FAT4: variants seen among roughly 807,000 people sequenced by gnomAD.
FAT4 encodes FAT atypical cadherin 4.
A neutral mutation model predicts 303.9 loss-of-function variants in FAT4; 84 were observed. That is an observed-to-expected ratio of 0.28 (90% CI 0.23 to 0.33). The LOEUF is 0.33. Among genes scored for constraint, FAT4 ranks in the 10% least tolerant of loss-of-function variants. The pLI, the probability that FAT4 is intolerant of heterozygous loss-of-function variation, is 1.00. For synonymous variants in FAT4, 2,307 were observed against 2,298.8 expected, an observed-to-expected ratio of 1.00 and a Z score of -0.10; for missense variants, 6,005 against 6,146.8, an observed-to-expected ratio of 0.98 and a Z score of 0.77.
At chr4:125,374,499 A>G (rs756741627) in intron 2 of FAT4, among the ~76,000 whole-genome samples, 2 of 152,220 alleles carry the variant, frequency 1.3e-5, no homozygotes, top group Non-Finnish European at 1.5e-5. Context: ...TTATTTGAAT[A>G]GGATTCACGT....
rs1051060232 is a variant in FAT4 at position 125,353,529 on chromosome 4, A to G, written c.5175+31943A>G. Among the ~76,000 whole-genome samples, 3 of 151,580 alleles carry G rather than the reference A, an allele frequency of 2.0e-5. No individual in the cohort carries two copies. In the Admixed American group the frequency reaches 2.0e-4, roughly 10 times the overall value. ...GTTTAGTATTCTTTGTCAATCTTTT[A>G]GTTGGCTTAGAGCTTGATATTATCT... On this transcript the variant is annotated intron_variant, in intron 2 of 17. Coordinates refer to ENST00000394329, the MANE Select transcript of FAT4 (RefSeq NM_001291303.3).
chr4:125,374,686 C>T (rs1733247538), intron 2 of FAT4, among the ~76,000 whole-genome samples: 1 of 152,160 alleles, frequency 6.6e-6, no homozygotes, highest in South Asian at 2.1e-4. Context: ...TATTCAAGAG[C>T]ATCTAACCCA....
chr4:125,360,946 T>A (rs1305500126), intron 2 of FAT4, among the ~76,000 whole-genome samples: 5 of 147,274 alleles, frequency 3.4e-5, no homozygotes, highest in Non-Finnish European at 7.5e-5. Flanking sequence ...TTATTATTTT[T>A]ATTTTATTTT....
In FAT4 at chr4:125,491,693, A is replaced by G. The variant is rs376402724; in HGVS notation, c.14877A>G (p.Ala4959=). 2.8e-4 allele frequency: 447 copies of G among 1,614,072 alleles called. No homozygotes were observed. The highest frequency in any genetic ancestry group is 3.7e-4 in the Non-Finnish European group (432 of 1,180,020). Residue 4959 remains alanine, a synonymous_variant, in exon 18 of 18, where the codon GCA becomes GCG. Coordinates refer to ENST00000394329, the MANE Select transcript of FAT4 (RefSeq NM_001291303.3). ...FKDLASLPEK[A]AANEEGKAGT... The stretch of plus-strand genomic sequence containing the variant: ...ATTTGGCATCTCTTCCAGAAAAAGC[A>G]GCAGCAAATGAAGAAGGCAAAGCTG...
intron 7 of FAT4, among the ~76,000 whole-genome samples, chr4:125,422,479 A>G (rs1724937366): frequency 6.6e-6 from 1 of 152,096 alleles, no homozygotes; most frequent in Non-Finnish European, 1.5e-5. Flanking sequence ...GTGAGTTCTT[A>G]TGAGATCTAA....
chr4:125,454,403 T>A (rs1726206519), intron 10 of FAT4, among the ~76,000 whole-genome samples: 1 of 152,218 alleles, frequency 6.6e-6, no homozygotes, highest in Non-Finnish European at 1.5e-5. Flanking sequence ...AGTGATAGAT[T>A]TCACAGAATC....
At position 125,362,150 on chromosome 4, in the gene FAT4, T is replaced by G. The variant is rs142307770; in HGVS notation, c.5176-36634T>G. Reference sequence around the variant, plus strand: ...ATGTGCTGATAATACAATGTTTCCTTGCATTGTTATTTTGTTATATTTACC... The same window carrying G: ...ATGTGCTGATAATACAATGTTTCCTGGCATTGTTATTTTGTTATATTTACC... On this transcript the variant is annotated intron_variant, in intron 2 of 17. Coordinates refer to ENST00000394329, the MANE Select transcript of FAT4 (RefSeq NM_001291303.3). Among the ~76,000 whole-genome samples the G allele has an allele frequency of 4.9e-3, 751 of 152,256 alleles. 29 individuals are homozygous for G. In the South Asian group the frequency reaches 0.07, roughly 14 times the overall value.
intron 2 of FAT4, among the ~76,000 whole-genome samples, chr4:125,324,281 TTAA>T (rs1399493289): frequency 6.6e-6 from 1 of 152,164 alleles, no homozygotes; most frequent in African/African-American, 2.4e-5. Context: ...CATTTATCCT[TTAA>T]TGTGTATTAC....
chr4:125,399,371 A>G (rs1387158813), intron 3 of FAT4, among the ~76,000 whole-genome samples: 1 of 151,980 alleles, frequency 6.6e-6, no homozygotes, highest in African/African-American at 2.4e-5. Context: ...TGTAATTATT[A>G]TGTTTCAAAT....
chr4:125,390,669 C>T (rs1236070663), intron 2 of FAT4, among the ~76,000 whole-genome samples: 1 of 152,112 alleles, frequency 6.6e-6, no homozygotes, highest in South Asian at 2.1e-4. Context: ...TCATAATGAC[C>T]TATTAAGGGC....
intron 2 of FAT4, among the ~76,000 whole-genome samples, chr4:125,382,094 C>T (rs1733563512): frequency 6.6e-6 from 1 of 152,136 alleles, no homozygotes; most frequent in African/African-American, 2.4e-5. Context: ...AAGTTTTGAA[C>T]CCTTCAAAGT....
intron 2 of FAT4, among the ~76,000 whole-genome samples, chr4:125,373,891 T>G (rs1330325782): frequency 6.6e-6 from 1 of 151,982 alleles, no homozygotes; most frequent in African/African-American, 2.4e-5. Context: ...TTCAAACATC[T>G]AGATGAAGAA....
intron 5 of FAT4, among the ~76,000 whole-genome samples, chr4:125,412,806 T>C (rs1734896888): frequency 6.6e-6 from 1 of 151,928 alleles, no homozygotes; most frequent in South Asian, 2.1e-4. Flanking sequence ...AAAGATTTTA[T>C]ATGCTTCTCT....
chr4:125,363,528 G>C (rs1732751396), intron 2 of FAT4, among the ~76,000 whole-genome samples: 2 of 150,830 alleles, frequency 1.3e-5, no homozygotes, highest in Non-Finnish European at 3.0e-5. Context: ...AAAGAATCTT[G>C]CTGTATTGCC....
chr4:125,485,369 A>G (rs1210780666), intron 16 of FAT4, among the ~76,000 whole-genome samples: 2 of 152,084 alleles, frequency 1.3e-5, no homozygotes, highest in Non-Finnish European at 2.9e-5. Flanking sequence ...TTCTTTCCTT[A>G]TACCCTTATT....
At chr4:125,489,854 T>C in intron 17 of FAT4, 47 bp from the exon 18 acceptor site, 1 of 933,032 alleles carries the variant, frequency 1.1e-6, no homozygotes, top group Non-Finnish European at 1.4e-6. Flanking sequence ...GCTCTTTTTT[T>C]TTTTTTTTTT....
intron 7 of FAT4, among the ~76,000 whole-genome samples, chr4:125,426,774 T>A (rs2126037583): frequency 6.6e-6 from 1 of 152,102 alleles, no homozygotes; most frequent in Middle Eastern, 3.4e-3. Context: ...CCATGTGAGC[T>A]ACAAATCTGA....
In FAT4 at chr4:125,491,178, G is replaced by C. The variant is rs138173652; in HGVS notation, c.14362G>C (p.Gly4788Arg). ...QIPLESSPPV[G>R]LSIEEVERLN... is the part of the protein sequence containing the mutation. ...TCCACTGGAATCTTCTCCTCCAGTC[G>C]GACTTTCTATTGAAGAAGTGGAGAG... Residue 4788 changes from glycine (G) to arginine (R), a missense_variant, in exon 18 of 18, where the codon GGA becomes CGA. Coordinates refer to ENST00000394329, the MANE Select transcript of FAT4 (RefSeq NM_001291303.3). 1.2e-6 allele frequency: 2 copies of C among 1,614,052 alleles called. No homozygotes were observed. The highest frequency in any genetic ancestry group is 1.7e-6 in the Non-Finnish European group (2 of 1,180,016).
chr4:125,477,390 T>C lies in FAT4; in HGVS notation c.12479+56T>C, dbSNP rs566109604. 19 of 1,382,732 alleles carry C rather than the reference T, an allele frequency of 1.4e-5. No individual in the cohort carries two copies. The East Asian group carries it at 4.6e-4, about 34-fold the overall frequency. The allele number at this position is 1,382,732 out of a possible 1,614,324, so 85.7% of individuals were successfully genotyped here. ...AGAAAAAAAATGCAAAAAAGTATGC[T>C]TCAGTGAGCATCAAAAGATGAAATT... is the stretch of plus-strand genomic sequence containing the variant. On this transcript the variant is annotated intron_variant, in intron 14 of 17. Transcript: ENST00000394329.
Sources: gnomAD v4.1 joint callset for allele counts (sites outside exome capture counted in the v4.1 genomes callset) on GRCh38, gnomAD v4.1.1 for gene constraint, MANE v1.5 for transcripts, NCBI Gene and HGNC (gene_info 2026-07-23, HGNC 2026-07-21) for gene names.